The following DAB1 variants were observed in gnomAD, a reference collection of about 807,000 sequenced individuals.
The protein encoded by DAB1 is DAB adaptor protein 1.
A neutral mutation model predicts 64.6 loss-of-function variants in DAB1; 15 were observed. The ratio of observed to expected loss-of-function variants is 0.23; its 90% CI spans 0.16 to 0.36. The LOEUF is 0.36. DAB1 is among the 10% of genes least tolerant of loss of function. The probability of loss-of-function intolerance (pLI) is 1.00; values close to 1 mark genes in which losing one functional copy is unlikely to be tolerated. For synonymous variants in DAB1, 235 were observed against 251.9 expected (o/e 0.93, Z 0.64); for missense variants, 596 against 706.7 (o/e 0.84, Z 1.78).
At chr1:57,478,027 T>A (rs911863982) in intron 7 of DAB1, among the ~76,000 whole-genome samples, 2 of 151,786 alleles carry the variant, frequency 1.3e-5, no homozygotes, top group Admixed American at 6.6e-5. Flanking sequence ...ACATTAGGTA[T>A]CTCTCCTAAT....
chr1:57,498,280 G>GA (rs976234257), intron 7 of DAB1, among the ~76,000 whole-genome samples: 5 of 152,182 alleles, frequency 3.3e-5, no homozygotes, highest in African/African-American at 1.2e-4. Flanking sequence ...GTGCATTGGA[G>GA]ATGCAATCTG....
chr1:58,334,811 T>G (rs906377800), intron 4 of DAB1, among the ~76,000 whole-genome samples: 1 of 151,898 alleles, frequency 6.6e-6, no homozygotes, highest in African/African-American at 2.4e-5. Flanking sequence ...AGTAGTGTAT[T>G]AGTAAATGAT....
intron 1 of DAB1, among the ~76,000 whole-genome samples, chr1:57,380,596 T>C (rs1681288620): frequency 6.6e-6 from 1 of 152,204 alleles, no homozygotes; most frequent in Non-Finnish European, 1.5e-5. Context: ...ATGAGTACAA[T>C]GTGTTTATAT....
intron 1 of DAB1, among the ~76,000 whole-genome samples, chr1:57,831,164 C>T (rs921463887): frequency 9.9e-5 from 15 of 152,144 alleles, no homozygotes; most frequent in African/African-American, 4.8e-5. Flanking sequence ...CCGCCCACCT[C>T]GGCCTCCCAA....
Position 57,792,848 on chromosome 1 carries a change from T to G in DAB1, n.551+91151A>C, listed in dbSNP as rs1650669408. Among the ~76,000 whole-genome samples the G allele has an allele frequency of 2.0e-5, 3 of 152,222 alleles. No individual in the cohort carries two copies. In the South Asian group the frequency reaches 6.2e-4, roughly 31 times the overall value. ...ACATATTTTTAAGCATTGATTTCTT[T>G]GAAAATAACACCTTACCAACTGATT... On this transcript the variant is annotated intron_variant and non_coding_transcript_variant, in intron 6 of 20. Coordinates refer to the DAB1 transcript ENST00000485760.
chr1:57,995,675 C>A (rs1646413225), intron 5 of DAB1, among the ~76,000 whole-genome samples: 1 of 152,068 alleles, frequency 6.6e-6, no homozygotes, highest in Non-Finnish European at 1.5e-5. Flanking sequence ...TTCAAACAAA[C>A]CTTTACTCAC....
chr1:57,174,477 A>G (rs1199239750), intron 2 of DAB1, among the ~76,000 whole-genome samples: 1 of 152,222 alleles, frequency 6.6e-6, no homozygotes, highest in Non-Finnish European at 1.5e-5. Context: ...ATTTAAACCA[A>G]TCATAACAAT....
At chr1:57,691,949 T>C (rs1263916954) in intron 6 of DAB1, among the ~76,000 whole-genome samples, 2 of 152,192 alleles carry the variant, frequency 1.3e-5, no homozygotes, top group East Asian at 3.9e-4. Flanking sequence ...TCAGGCTTTC[T>C]GGGAAAGGGC....
chr1:57,994,536 GC>G (rs1344935080), intron 5 of DAB1, among the ~76,000 whole-genome samples: 1 of 152,184 alleles, frequency 6.6e-6, no homozygotes, highest in African/African-American at 2.4e-5. Context: ...GGGGAACAAG[GC>G]TTAGCTCCTT....
intron 4 of DAB1, among the ~76,000 whole-genome samples, chr1:58,196,847 G>T (rs141464254): frequency 2.1e-4 from 32 of 152,294 alleles, no homozygotes; most frequent in African/African-American, 7.5e-4. Flanking sequence ...TTTGCGATGA[G>T]ATTTGGGTGG....
chr1:57,985,078 T>C (rs561693922), intron 5 of DAB1, among the ~76,000 whole-genome samples: 4 of 152,246 alleles, frequency 2.6e-5, no homozygotes, highest in South Asian at 4.1e-4. Context: ...CAACTAATTT[T>C]TGTATTTTCA....
At chr1:57,666,389 G>A (rs1318147497) in intron 6 of DAB1, among the ~76,000 whole-genome samples, 1 of 152,128 alleles carries the variant, frequency 6.6e-6, no homozygotes, top group Non-Finnish European at 1.5e-5. Flanking sequence ...GGGCCAAATG[G>A]ATGGGGCCAA....
rs544893583 is a variant in DAB1 at position 58,048,628 on chromosome 1, A to G, written n.387+101883T>C. 9 of 1,156,398 alleles carry G rather than the reference A, an allele frequency of 7.8e-6. No individual in the cohort carries two copies. In the African/African-American group the frequency reaches 9.1e-5, roughly 12 times the overall value. 71.6% of individuals were successfully genotyped at this position (1,156,398 alleles called of 1,614,324 possible). ...TGCCACCAAAGCCACCATGACCACT[A>G]AAGTTTCCTCCACAACCAAAGTTGT... On this transcript the variant is annotated intron_variant and non_coding_transcript_variant, in intron 5 of 20. Coordinates refer to the DAB1 transcript ENST00000485760.
chr1:58,139,526 T>C (rs1163749754), intron 5 of DAB1, among the ~76,000 whole-genome samples: 1 of 152,152 alleles, frequency 6.6e-6, no homozygotes. Flanking sequence ...GAACTCACTA[T>C]TATGAGAACA....
chr1:58,107,450 G>A (rs180883673), intron 5 of DAB1, among the ~76,000 whole-genome samples: 5 of 146,890 alleles, frequency 3.4e-5, no homozygotes, highest in African/African-American at 1.3e-4. Context: ...CAACCTGGGT[G>A]ACAGCAAGAC....
chr1:57,118,963 G>GT (rs1443094875), intron 4 of DAB1, among the ~76,000 whole-genome samples: 9 of 152,158 alleles, frequency 5.9e-5, no homozygotes, highest in African/African-American at 2.2e-4. Context: ...GTAGAAGCCC[G>GT]TAAGTGACAG....
At chr1:57,438,085 A>G (rs996060775) in intron 7 of DAB1, among the ~76,000 whole-genome samples, 3 of 152,164 alleles carry the variant, frequency 2.0e-5, no homozygotes, top group African/African-American at 7.2e-5. Context: ...GCATTGTTTA[A>G]GCAACATGAG....
chr1:58,261,884 A>C (rs991357633), intron 4 of DAB1, among the ~76,000 whole-genome samples: 1 of 152,162 alleles, frequency 6.6e-6, no homozygotes, highest in African/African-American at 2.4e-5. Flanking sequence ...GAAAAGTTCC[A>C]TTCCTCAGAT....
intron 1 of DAB1, among the ~76,000 whole-genome samples, chr1:57,407,262 G>A (rs1011433984): frequency 6.6e-6 from 1 of 152,156 alleles, no homozygotes; most frequent in Non-Finnish European, 1.5e-5. Flanking sequence ...GACCACCAAG[G>A]TCACAGCAAA....
Sources: gnomAD v4.1 joint callset for allele counts (sites outside exome capture counted in the v4.1 genomes callset) on GRCh38, gnomAD v4.1.1 for gene constraint, MANE v1.5 for transcripts, NCBI Gene and HGNC (gene_info 2026-07-23, HGNC 2026-07-21) for gene names.